KCNIP4: variants seen among roughly 807,000 people sequenced by gnomAD.
The protein encoded by KCNIP4 is potassium voltage-gated channel interacting protein 4.
A neutral mutation model predicts 34.0 loss-of-function variants in KCNIP4; 12 were observed. The observed-to-expected ratio is 0.35, with a 90% CI of 0.23 to 0.57. KCNIP4 has a LOEUF of 0.57. KCNIP4 is among the 20% of genes least tolerant of loss of function. The pLI is 0.83. For missense variants in KCNIP4, 238 were observed against 311.7 expected (o/e 0.76, Z 1.78); for synonymous variants, 124 against 102.2 (o/e 1.21, Z -1.29).
chr4:21,167,113 C>T (rs1753689260), intron 1 of KCNIP4, among the ~76,000 whole-genome samples: 1 of 151,952 alleles, frequency 6.6e-6, no homozygotes, highest in Admixed American at 6.5e-5. Context: ...AAAGGGTACA[C>T]ATTGTGTGAT....
intron 4 of KCNIP4, among the ~76,000 whole-genome samples, chr4:20,757,818 C>CA (rs1754610654): frequency 6.6e-6 from 1 of 152,058 alleles, no homozygotes; most frequent in African/African-American, 2.4e-5. Context: ...TGAGGCATGC[C>CA]AGGGACAGGC....
At chr4:21,582,044 A>AATGGG (rs1228589595) in intron 1 of KCNIP4, 2 of 144,312 alleles carry the variant, frequency 1.4e-5, no homozygotes, top group Admixed American at 1.4e-4. Context: ...AATGGAATGG[A>AATGGG]ATGGAATGGA....
intron 1 of KCNIP4, among the ~76,000 whole-genome samples, chr4:21,190,834 C>G (rs528520751): frequency 6.6e-6 from 1 of 152,156 alleles, no homozygotes; most frequent in African/African-American, 2.4e-5. Context: ...ATTTAGATGG[C>G]GCAGCTGCTC....
At chr4:21,506,725 A>G (rs1560468588) in intron 1 of KCNIP4, among the ~76,000 whole-genome samples, 1 of 152,232 alleles carries the variant, frequency 6.6e-6, no homozygotes, top group Non-Finnish European at 1.5e-5. Flanking sequence ...TGCATGTACA[A>G]TTGTAAATGT....
chr4:21,795,876 T>G (rs1401620560), intron 1 of KCNIP4, among the ~76,000 whole-genome samples: 1 of 152,178 alleles, frequency 6.6e-6, no homozygotes, highest in Non-Finnish European at 1.5e-5. Context: ...GAGACCAGAC[T>G]GGCCAACACA....
At chr4:21,820,578 C>A (rs946835293) in intron 1 of KCNIP4, among the ~76,000 whole-genome samples, 1 of 151,888 alleles carries the variant, frequency 6.6e-6, no homozygotes, top group African/African-American at 2.4e-5. Context: ...ATGAATTCTG[C>A]TACCTTCCTC....
chr4:21,441,823 A>G (rs28681444), intron 1 of KCNIP4, among the ~76,000 whole-genome samples: 1,575 of 152,330 alleles, frequency 0.01, 28 homozygotes, highest in African/African-American at 0.036. Context: ...CTGTGGGAAC[A>G]TATGACTCAA....
intron 1 of KCNIP4, among the ~76,000 whole-genome samples, chr4:21,297,869 G>A (rs1353435300): frequency 6.6e-6 from 1 of 151,988 alleles, no homozygotes; most frequent in East Asian, 1.9e-4. Flanking sequence ...TATTCTGTAA[G>A]AGAAGTTCAT....
intron 1 of KCNIP4, among the ~76,000 whole-genome samples, chr4:21,605,542 G>A (rs1039835484): frequency 1.4e-4 from 21 of 151,948 alleles, no homozygotes; most frequent in Non-Finnish European, 2.2e-4. Context: ...GTGCAGTGGC[G>A]TGATCTCGGC....
At chr4:21,446,742 A>T (rs1162616464) in intron 1 of KCNIP4, among the ~76,000 whole-genome samples, 1 of 152,060 alleles carries the variant, frequency 6.6e-6, no homozygotes, top group Admixed American at 6.5e-5. Context: ...GTGCACATGT[A>T]CCTTAAAACT....
chr4:20,836,413 T>C (rs758174795), intron 3 of KCNIP4, among the ~76,000 whole-genome samples: 2 of 152,208 alleles, frequency 1.3e-5, no homozygotes, highest in African/African-American at 4.8e-5. Flanking sequence ...GCCTGCTACA[T>C]CACTCAGATT....
intron 5 of KCNIP4, among the ~76,000 whole-genome samples, chr4:20,745,745 G>A (rs1752281079): frequency 6.6e-6 from 1 of 152,114 alleles, no homozygotes; most frequent in Non-Finnish European, 1.5e-5. Flanking sequence ...CTGTTCATCT[G>A]CCAAACCTTT....
At chr4:20,955,393 GAC>G (rs531091662) in intron 1 of KCNIP4, among the ~76,000 whole-genome samples, 11 of 152,244 alleles carry the variant, frequency 7.2e-5, no homozygotes, top group African/African-American at 2.6e-4. Context: ...TCTGTGAACA[GAC>G]ACTGATACCC....
chr4:21,019,120 C>T (rs541206066), intron 1 of KCNIP4, among the ~76,000 whole-genome samples: 1 of 152,054 alleles, frequency 6.6e-6, no homozygotes, highest in Non-Finnish European at 1.5e-5. Context: ...ATTGTCTTCC[C>T]TCTGTGTGTA....
chr4:21,091,401 A>G (rs1463689008), intron 1 of KCNIP4, among the ~76,000 whole-genome samples: 5 of 152,226 alleles, frequency 3.3e-5, no homozygotes, highest in Non-Finnish European at 7.3e-5. Flanking sequence ...AGAGAAGGGC[A>G]TTAAGGCTTA....
At chr4:20,748,520 A>G (rs921995113) in intron 5 of KCNIP4, among the ~76,000 whole-genome samples, 44 of 146,386 alleles carry the variant, frequency 3.0e-4, no homozygotes, top group Admixed American at 1.7e-3. Flanking sequence ...TTTAAGATGC[A>G]TCCTTCCTCA....
At chr4:21,150,003 T>C (rs566887036) in intron 1 of KCNIP4, among the ~76,000 whole-genome samples, 151 of 152,304 alleles carry the variant, frequency 9.9e-4, no homozygotes, top group African/African-American at 3.3e-3. Context: ...GTGTTTTGTT[T>C]TTATTTGTGG....
chr4:20,973,831 T>A (rs1735217173), intron 1 of KCNIP4, among the ~76,000 whole-genome samples: 2 of 152,124 alleles, frequency 1.3e-5, no homozygotes, highest in Non-Finnish European at 2.9e-5. Context: ...GCAGTCAGAA[T>A]ACACACAATA....
intron 1 of KCNIP4, among the ~76,000 whole-genome samples, chr4:20,886,719 T>C (rs777215918): frequency 3.5e-4 from 53 of 152,132 alleles, no homozygotes; most frequent in Non-Finnish European, 6.8e-4. Context: ...CCATAGTGTA[T>C]CACTGAGGTA....
Sources: allele counts gnomAD v4.1 joint callset (sites outside exome capture counted in the v4.1 genomes callset), GRCh38; gene constraint gnomAD v4.1.1; transcripts MANE v1.5; gene names NCBI Gene and HGNC (gene_info 2026-07-23, HGNC 2026-07-21).